The following RASGRP1 variants were observed in gnomAD, a reference collection of about 807,000 sequenced individuals.
RASGRP1 encodes the protein RAS guanyl releasing protein 1.
Under a neutral mutation model 95.1 loss-of-function variants are expected in RASGRP1, and 37 were observed. The ratio of observed to expected loss-of-function variants is 0.39; its 90% CI spans 0.30 to 0.51. The LOEUF (loss-of-function observed/expected upper bound fraction) is 0.51. Among genes scored for constraint, RASGRP1 ranks in the 20% least tolerant of loss-of-function variants. The pLI, the probability that RASGRP1 is intolerant of heterozygous loss-of-function variation, is 0.80. For synonymous variants in RASGRP1, 325 were observed against 353.4 expected (o/e 0.92, Z 0.90); for missense variants, 711 against 965.4 (o/e 0.74, Z 3.49).
chr15:38,555,212 C>G (rs1893507489), intron 2 of RASGRP1, among the ~76,000 whole-genome samples: 1 of 152,228 alleles, frequency 6.6e-6, no homozygotes. Context: ...TAATATCCAA[C>G]TGCTCCATGG....
intron 3 of RASGRP1, among the ~76,000 whole-genome samples, chr15:38,521,330 T>G (rs930943939): frequency 6.6e-6 from 1 of 152,210 alleles, no homozygotes; most frequent in Non-Finnish European, 1.5e-5. Context: ...TAAAGCTAAG[T>G]AGATACATTA....
At position 38,489,280 on chromosome 15, in the gene RASGRP1, G is replaced by T. The variant is rs1157524723; in HGVS notation, c.*1274C>A. ...TTTTTTTTAAGAGAACTAAAAAGAG[G>T]CTGACAAATGAATTTGTGAATAGGT... On this transcript the variant is annotated 3_prime_UTR_variant, in exon 17 of 17. Coordinates refer to ENST00000310803, the MANE Select transcript of RASGRP1 (RefSeq NM_005739.4). 2 of 151,600 alleles carry T rather than the reference G, an allele frequency of 1.3e-5. No homozygotes were observed. Among genetic ancestry groups the T allele is most frequent in the Non-Finnish European group, 2.9e-5 (2 of 67,802 alleles). 9.4% of individuals were successfully genotyped at this position (151,600 alleles called of 1,614,324 possible).
At chr15:38,507,148 T>C (rs1314267272) in intron 9 of RASGRP1, among the ~76,000 whole-genome samples, 1 of 152,204 alleles carries the variant, frequency 6.6e-6, no homozygotes, top group Non-Finnish European at 1.5e-5. Context: ...ATGTCCATAG[T>C]CACACAGCTG....
At chr15:38,494,856 A>T in intron 15 of RASGRP1, 89 bp from the exon 16 acceptor site, 1 of 1,149,626 alleles carries the variant, frequency 8.7e-7, no homozygotes, top group East Asian at 2.9e-5. Flanking sequence ...GACCTTTCTT[A>T]TTGTTACTGG....
intron 3 of RASGRP1, chr15:38,524,381 C>G (rs760931305): frequency 6.6e-6 from 1 of 152,216 alleles, no homozygotes; most frequent in African/African-American, 2.4e-5. Flanking sequence ...GGACATTACA[C>G]CATATGTAAG....
chr15:38,509,481 C>T (rs1297155263), intron 8 of RASGRP1, among the ~76,000 whole-genome samples: 1 of 152,178 alleles, frequency 6.6e-6, no homozygotes, highest in Admixed American at 6.5e-5. Flanking sequence ...AATCCCAGCA[C>T]TTTGGGAGAC....
chr15:38,499,142 C>A (rs1890912358), intron 14 of RASGRP1, 196 bp from the exon 15 acceptor site: 1 of 759,538 alleles, frequency 1.3e-6, no homozygotes, highest in Non-Finnish European at 2.3e-6. Context: ...CTTGATGTAG[C>A]CCTTATCAGT....
intron 1 of RASGRP1, among the ~76,000 whole-genome samples, chr15:38,561,755 A>G (rs1893820427): frequency 6.6e-6 from 1 of 152,198 alleles, no homozygotes; most frequent in Admixed American, 6.5e-5. Flanking sequence ...ACAATTGGTT[A>G]TTGGGCATCT....
intron 8 of RASGRP1, among the ~76,000 whole-genome samples, chr15:38,511,332 A>G (rs191947649): frequency 1.8e-4 from 27 of 152,332 alleles, no homozygotes; most frequent in Admixed American, 1.7e-3. Context: ...TCCATGGCCT[A>G]TGAACATGGG....
chr15:38,502,476 C>T, intron 11 of RASGRP1, 55 bp from the exon 12 acceptor site: 2 of 1,125,868 alleles, frequency 1.8e-6, no homozygotes, highest in Non-Finnish European at 2.6e-6. Context: ...TCTTCTCTCC[C>T]TTTAGTCAAA....
At chr15:38,497,233 C>T (rs1341301806) in intron 15 of RASGRP1, among the ~76,000 whole-genome samples, 6 of 152,170 alleles carry the variant, frequency 3.9e-5, no homozygotes, top group Non-Finnish European at 1.5e-5. Context: ...TAGTATAGCA[C>T]TATGAAGCCT....
intron 8 of RASGRP1, among the ~76,000 whole-genome samples, chr15:38,509,052 C>T (rs1428891303): frequency 6.6e-6 from 1 of 152,184 alleles, no homozygotes; most frequent in Non-Finnish European, 1.5e-5. Context: ...GTGGCCATAA[C>T]TTTTTGCAGT....
intron 2 of RASGRP1, among the ~76,000 whole-genome samples, chr15:38,539,587 A>G (rs929180160): frequency 6.7e-6 from 1 of 149,460 alleles, no homozygotes; most frequent in African/African-American, 2.5e-5. Flanking sequence ...TATTATTATT[A>G]TACTTTAAGT....
rs1333233040 is a variant in RASGRP1 at position 38,489,727 on chromosome 15, G to C, written c.*827C>G. 1.4e-5 allele frequency: 1 copy of C among 71,534 alleles called. No homozygotes were observed. The highest frequency in any genetic ancestry group is 3.3e-5 in the Non-Finnish European group (1 of 30,242). 4.4% of individuals were successfully genotyped at this position (71,534 alleles called of 1,614,324 possible). A position where few individuals can be genotyped will look rare whatever the true frequency, so the allele number is the denominator to read the frequency against. On this transcript the variant is annotated 3_prime_UTR_variant, in exon 17 of 17. Transcript: ENST00000310803. ...TGAAGAGTTAAACAGACTCTTCATA[G>C]ACTTTTTTTTTTAAGCCATCAATTC...
Position 38,564,727 on chromosome 15 carries a change from C to A in RASGRP1, c.-99G>T, listed in dbSNP as rs1003228100. On this transcript the variant is annotated 5_prime_UTR_variant, in exon 1 of 17. Transcript: ENST00000310803. ...CCGCCGCCTGCCGGCTCTCTCCCCC[C>A]CGGGCCTCGTAGCCCCGGCGCCCGC... The A allele has an allele frequency of 4.7e-4, 496 of 1,053,848 alleles. No homozygotes were observed. Among genetic ancestry groups the A allele is most frequent in the Non-Finnish European group, 5.3e-4 (454 of 849,366 alleles). The allele number at this position is 1,053,848 out of a possible 1,614,324, so 65.3% of individuals were successfully genotyped here.
chr15:38,560,147 T>C, intron 1 of RASGRP1, 142 bp from the exon 2 acceptor site: 1 of 741,610 alleles, frequency 1.3e-6, no homozygotes, highest in Non-Finnish European at 2.3e-6. Flanking sequence ...ACTTGGCAAA[T>C]GCACCAAATG....
chr15:38,564,015 C>A (rs1388928086), intron 1 of RASGRP1, among the ~76,000 whole-genome samples: 1 of 152,248 alleles, frequency 6.6e-6, no homozygotes, highest in Admixed American at 6.5e-5. Flanking sequence ...TTATCCAAGA[C>A]CCTCTATAGA....
chr15:38,549,025 G>A (rs987304171), intron 2 of RASGRP1, among the ~76,000 whole-genome samples: 5 of 152,190 alleles, frequency 3.3e-5, no homozygotes, highest in African/African-American at 4.8e-5. Context: ...CCATTCCCGA[G>A]AGCAAGTGCT....
chr15:38,510,448 AG>A (rs1434554951), intron 8 of RASGRP1, among the ~76,000 whole-genome samples: 1 of 152,222 alleles, frequency 6.6e-6, no homozygotes, highest in Non-Finnish European at 1.5e-5. Context: ...AGATAATAAA[AG>A]ACTCCCCAAA....
Sources: allele counts gnomAD v4.1 joint callset (sites outside exome capture counted in the v4.1 genomes callset), GRCh38; gene constraint gnomAD v4.1.1; transcripts MANE v1.5; gene names NCBI Gene and HGNC (gene_info 2026-07-23, HGNC 2026-07-21).